Variants in ANKS1B observed in about 807,000 individuals in gnomAD.
ANKS1B encodes the protein ankyrin repeat and sterile alpha motif domain containing 1B, also known as ankyrin repeat and sterile alpha motif domain-containing protein 1B.
Under a neutral mutation model 148.3 loss-of-function variants are expected in ANKS1B, and 36 were observed. The observed-to-expected ratio is 0.24, with a 90% confidence interval of 0.19 to 0.32. The LOEUF (loss-of-function observed/expected upper bound fraction) is 0.32. ANKS1B is among the 10% of genes least tolerant of loss of function. The probability of loss-of-function intolerance (pLI) is 1.00; values close to 1 mark genes in which losing one functional copy is unlikely to be tolerated. For synonymous variants in ANKS1B, 542 were observed against 560.8 expected (o/e 0.97, Z 0.47); for missense variants, 1,157 against 1,542.6 (o/e 0.75, Z 4.19).
intron 18 of ANKS1B, among the ~76,000 whole-genome samples, chr12:98,830,374 C>T (rs890430496): frequency 2.0e-5 from 3 of 152,124 alleles, no homozygotes; most frequent in Non-Finnish European, 2.9e-5. Flanking sequence ...CTAATGCCCC[C>T]AGTAATTAAT....
At chr12:99,575,245 T>C (rs1010943114) in intron 9 of ANKS1B, among the ~76,000 whole-genome samples, 2 of 152,054 alleles carry the variant, frequency 1.3e-5, no homozygotes, top group African/African-American at 4.8e-5. Context: ...GTCAGCATCC[T>C]TAAAGAAAAG....
intron 9 of ANKS1B, among the ~76,000 whole-genome samples, chr12:99,512,085 C>T (rs962868677): frequency 6.6e-6 from 1 of 151,956 alleles, no homozygotes; most frequent in African/African-American, 2.4e-5. Context: ...AATTAAAAAG[C>T]TTCTACACAG....
chr12:99,388,474 A>G (rs1179938492), intron 12 of ANKS1B, among the ~76,000 whole-genome samples: 1 of 152,210 alleles, frequency 6.6e-6, no homozygotes, highest in African/African-American at 2.4e-5. Context: ...TATTGATGGG[A>G]GAGGCACCTT....
At chr12:99,083,721 T>G (rs180988574) in intron 16 of ANKS1B, 24 of 152,304 alleles carry the variant, frequency 1.6e-4, no homozygotes, top group Admixed American at 1.5e-3. Flanking sequence ...CAAATCCCAT[T>G]GGATTTTAAA....
Position 99,955,492 on chromosome 12 carries a change from C to CAAAAAAAA in ANKS1B, c.134+28604_134+28611dup, listed in dbSNP as rs61654867. ...TGGGCGACAGAGCGAAACTCCGTCT[C>CAAAAAAAA]AAAAAAAAAAAAAAAAAAAAAAAAA... On this transcript the variant is annotated intron_variant, in intron 1 of 26. Coordinates refer to ENST00000683438, the MANE Select transcript of ANKS1B (RefSeq NM_001352186.2). Among the ~76,000 whole-genome samples the CAAAAAAAA allele has an allele frequency of 1.1e-4, 4 of 38,064 alleles. 1 individual carries two copies. Among genetic ancestry groups the CAAAAAAAA allele is most frequent in the East Asian group, 5.0e-3 (2 of 398 alleles). The allele number at this position is 38,064 out of a possible 152,430, so 25.0% of individuals were successfully genotyped here.
chr12:99,121,357 G>GTGTGTGTT (rs1266437113), intron 15 of ANKS1B, among the ~76,000 whole-genome samples: 1 of 149,444 alleles, frequency 6.7e-6, no homozygotes, highest in African/African-American at 2.5e-5. Flanking sequence ...GTGTGTGTGT[G>GTGTGTGTT]TATTTTCCCC....
chr12:99,977,006 G>A (rs1566124824), intron 1 of ANKS1B, among the ~76,000 whole-genome samples: 1 of 152,180 alleles, frequency 6.6e-6, no homozygotes, highest in East Asian at 1.9e-4. Flanking sequence ...ATGGGCAACA[G>A]AAAGAGGAAA....
intron 9 of ANKS1B, among the ~76,000 whole-genome samples, chr12:99,528,866 T>G (rs1348684118): frequency 1.3e-5 from 2 of 152,304 alleles, no homozygotes; most frequent in South Asian, 2.1e-4. Context: ...AAGATATTAT[T>G]AGAAACATTT....
At chr12:99,608,276 G>A (rs998630049) in intron 9 of ANKS1B, among the ~76,000 whole-genome samples, 30 of 151,996 alleles carry the variant, frequency 2.0e-4, no homozygotes, top group Admixed American at 9.2e-4. Flanking sequence ...TTTCAAGTGC[G>A]CAAACCATGC....
At chr12:99,574,366 A>T (rs1306689806) in intron 9 of ANKS1B, among the ~76,000 whole-genome samples, 7 of 152,084 alleles carry the variant, frequency 4.6e-5, no homozygotes, top group Admixed American at 4.6e-4. Flanking sequence ...AAAATCTTCA[A>T]TAGTAAGACA....
At chr12:98,772,274 T>C (rs1006966031) in intron 25 of ANKS1B, among the ~76,000 whole-genome samples, 3 of 152,134 alleles carry the variant, frequency 2.0e-5, no homozygotes, top group African/African-American at 4.8e-5. Flanking sequence ...AATGAGGTCA[T>C]TGGGGTGGGC....
intron 8 of ANKS1B, among the ~76,000 whole-genome samples, chr12:99,710,012 G>C (rs953745600): frequency 2.0e-5 from 3 of 152,010 alleles, no homozygotes; most frequent in Non-Finnish European, 4.4e-5. Context: ...TAAATGAACA[G>C]AGATTAATTG....
chr12:99,667,895 C>T (rs2098517320), intron 8 of ANKS1B, among the ~76,000 whole-genome samples: 2 of 152,048 alleles, frequency 1.3e-5, no homozygotes, highest in Admixed American at 1.3e-4. Flanking sequence ...GCATATATCC[C>T]ACTTGGTTGT....
At chr12:99,236,850 C>A (rs2088063900) in intron 14 of ANKS1B, among the ~76,000 whole-genome samples, 1 of 152,108 alleles carries the variant, frequency 6.6e-6, no homozygotes, top group African/African-American at 2.4e-5. Flanking sequence ...AACACAGGAA[C>A]AGAAAACCAA....
chr12:99,772,260 T>A (rs2063263566), intron 8 of ANKS1B, among the ~76,000 whole-genome samples: 1 of 152,108 alleles, frequency 6.6e-6, no homozygotes, highest in Admixed American at 6.5e-5. Flanking sequence ...TTCTTCTTTG[T>A]AAACTCTCAT....
chr12:99,918,683 T>C (rs1321706221), intron 1 of ANKS1B, among the ~76,000 whole-genome samples: 1 of 152,190 alleles, frequency 6.6e-6, no homozygotes, highest in Non-Finnish European at 1.5e-5. Flanking sequence ...TCCTATATTA[T>C]TTTATGTTTC....
At chr12:99,198,225 T>A (rs767944338) in intron 14 of ANKS1B, among the ~76,000 whole-genome samples, 49 of 152,194 alleles carry the variant, frequency 3.2e-4, no homozygotes, top group Non-Finnish European at 5.9e-4. Context: ...ACTGTAAATT[T>A]ATATTAGGCC....
At chr12:99,324,579 T>C (rs2085943179) in intron 12 of ANKS1B, among the ~76,000 whole-genome samples, 1 of 152,198 alleles carries the variant, frequency 6.6e-6, no homozygotes, top group Admixed American at 6.5e-5. Flanking sequence ...TTTTAGCCTT[T>C]TCACTGTCTT....
chr12:98,878,616 G>A (rs936700169), intron 17 of ANKS1B, among the ~76,000 whole-genome samples: 1 of 152,152 alleles, frequency 6.6e-6, no homozygotes, highest in African/African-American at 2.4e-5. Flanking sequence ...GAAGATGGGA[G>A]GACAGGAGAG....
Sources: gnomAD v4.1 joint callset for allele counts (sites outside exome capture counted in the v4.1 genomes callset) on GRCh38, gnomAD v4.1.1 for gene constraint, MANE v1.5 for transcripts, NCBI Gene and HGNC (gene_info 2026-07-23, HGNC 2026-07-21) for gene names.